The following TRIP11 variants were observed in gnomAD, a reference collection of about 807,000 sequenced individuals.
TRIP11 encodes thyroid receptor-interacting protein 11.
A neutral mutation model predicts 223.1 loss-of-function variants in TRIP11; 148 were observed. The observed-to-expected ratio is 0.66, with a 90% CI of 0.58 to 0.76. TRIP11 has a LOEUF of 0.76. Ranked by LOEUF, TRIP11 falls within the 30% of genes least tolerant of loss-of-function variation. The probability of loss-of-function intolerance (pLI) is 0.00; values close to 1 mark genes in which losing one functional copy is unlikely to be tolerated. For missense variants in TRIP11, 2,043 were observed against 2,222.0 expected, an observed-to-expected ratio of 0.92 and a Z score of 1.62; for synonymous variants, 762 against 772.6, an observed-to-expected ratio of 0.99 and a Z score of 0.23.
chr14:92,030,675 G>C (rs1360877679), intron 2 of TRIP11: 2 of 152,152 alleles, frequency 1.3e-5, no homozygotes, highest in East Asian at 3.9e-4. Context: ...CACCATGCCT[G>C]GCCATGTGAC....
At chr14:92,026,973 T>TTTA in intron 2 of TRIP11, 1 of 980,696 alleles carries the variant, frequency 1.0e-6, no homozygotes, top group African/African-American at 1.6e-5. Context: ...CTAAACGTGG[T>TTTA]CACCTTCAAG....
chr14:91,984,278 G>A (rs138930929), intron 16 of TRIP11, among the ~76,000 whole-genome samples: 11 of 149,304 alleles, frequency 7.4e-5, no homozygotes, highest in Non-Finnish European at 8.9e-5. Flanking sequence ...AATATCTTGT[G>A]CTTTTTATTT....
rs2057358913 is a variant in TRIP11, at chr14:92,039,418, G to A, written c.139+129C>T. On this transcript the variant is annotated intron_variant, in intron 1 of 20. Coordinates refer to ENST00000267622, the MANE Select transcript of TRIP11 (RefSeq NM_004239.4). ...GTTGAGAAGAGGCAAGAGGAGGTGT[G>A]TGAAGAAAAAAGGGAGGAGCAGCAT... The A allele has an allele frequency of 4.2e-6, 4 of 963,170 alleles. No homozygotes were observed. In the East Asian group the frequency reaches 7.8e-5, roughly 19 times the overall value. The allele number at this position is 963,170 out of a possible 1,614,324, so 59.7% of individuals were successfully genotyped here.
At chr14:92,023,666 C>T (rs1247059422) in intron 3 of TRIP11, among the ~76,000 whole-genome samples, 1 of 152,136 alleles carries the variant, frequency 6.6e-6, no homozygotes, top group East Asian at 1.9e-4. Context: ...GTCATAATGA[C>T]ACAGCTGTAA....
intron 11 of TRIP11, among the ~76,000 whole-genome samples, 160 bp downstream of exon 11, chr14:92,003,259 T>C (rs2056850861): frequency 6.6e-6 from 1 of 152,126 alleles, no homozygotes; most frequent in Non-Finnish European, 1.5e-5. Flanking sequence ...CTTCCAGATG[T>C]CTCTGAGGAA....
At chr14:92,025,086 T>C (rs1209359153) in intron 3 of TRIP11, among the ~76,000 whole-genome samples, 2 of 152,224 alleles carry the variant, frequency 1.3e-5, no homozygotes, top group African/African-American at 2.4e-5. Context: ...AAAAAAATTA[T>C]ACTTCACACA....
Position 91,969,826 on chromosome 14 carries a change from A to C in TRIP11, c.5787T>G (p.Ala1929=). The part of the protein sequence containing the change: ...VNPFLAPRSA[A]VPLINPAGLG... Reference sequence around the variant, plus strand: ...GTCCAGCTGGGTTAATAAGAGGTACAGCTGCCGAGCGAGGAGCCAAAAACG... The same window carrying C: ...GTCCAGCTGGGTTAATAAGAGGTACCGCTGCCGAGCGAGGAGCCAAAAACG... The change falls in exon 21 of 21, where the codon GCT becomes GCG. Residue 1929 remains alanine, a synonymous_variant. Coordinates refer to ENST00000267622, the MANE Select transcript of TRIP11 (RefSeq NM_004239.4). The C allele has an allele frequency of 6.2e-7, 1 of 1,614,220 alleles. No homozygotes were observed. Among genetic ancestry groups the C allele is most frequent in the Non-Finnish European group, 8.5e-7 (1 of 1,180,036 alleles).
intron 2 of TRIP11, among the ~76,000 whole-genome samples, chr14:92,030,212 A>C (rs1418589500): frequency 6.6e-6 from 1 of 150,918 alleles, no homozygotes; most frequent in African/African-American, 2.4e-5. Flanking sequence ...TCAAAAAAAA[A>C]AAAAAAAAAA....
chr14:91,981,010 A>ATT (rs1444189118), intron 16 of TRIP11, among the ~76,000 whole-genome samples: 671 of 55,762 alleles, frequency 0.012, 38 homozygotes, highest in African/African-American at 0.04. Flanking sequence ...ATATATATAT[A>ATT]TATTTTTTTT....
chr14:92,010,942 T>C, intron 9 of TRIP11, 44 bp downstream of exon 9: 2 of 1,576,178 alleles, frequency 1.3e-6, no homozygotes, highest in Non-Finnish European at 1.7e-6. Flanking sequence ...TGTGACCTGT[T>C]ACACATACCA....
At position 92,039,766 on chromosome 14, in the gene TRIP11, C is replaced by T. The variant is rs2057364671; in HGVS notation, c.-81G>A. ...CCGCCGGGCGATCCGACCAAATATC[C>T]TTGAACGCCTGCCTTCGCGAGACAG... On this transcript the variant is annotated 5_prime_UTR_variant, in exon 1 of 21. Transcript: ENST00000267622. 1 of 1,555,268 alleles carries T rather than the reference C, an allele frequency of 6.4e-7. No homozygotes were observed. The highest frequency in any genetic ancestry group is 1.2e-5 in the South Asian group (1 of 84,402).
intron 7 of TRIP11, among the ~76,000 whole-genome samples, chr14:92,013,204 T>C (rs1174588717): frequency 6.6e-6 from 1 of 151,952 alleles, no homozygotes; most frequent in African/African-American, 2.4e-5. Context: ...GAGGTGGAGG[T>C]TGCAGTGAAC....
chr14:91,980,953 T>C (rs2056530203), intron 16 of TRIP11, among the ~76,000 whole-genome samples: 1 of 146,514 alleles, frequency 6.8e-6, no homozygotes, highest in Non-Finnish European at 1.5e-5. Context: ...TTTCAAGTTA[T>C]ACAAGATCAC....
chr14:91,985,427 T>C (rs1595372359), intron 16 of TRIP11, among the ~76,000 whole-genome samples: 7 of 152,298 alleles, frequency 4.6e-5, no homozygotes, highest in African/African-American at 1.7e-4. Flanking sequence ...TCTTAAGAAA[T>C]GACTGAAATT....
chr14:92,009,017 T>C (rs576036362), intron 9 of TRIP11, among the ~76,000 whole-genome samples: 123 of 152,324 alleles, frequency 8.1e-4, no homozygotes, highest in African/African-American at 2.9e-3. Flanking sequence ...TACTAGAGTA[T>C]CTGTATCACA....
At chr14:92,026,662 G>A (rs980578704) in intron 2 of TRIP11, 27 of 1,095,288 alleles carry the variant, frequency 2.5e-5, no homozygotes, top group Non-Finnish European at 2.7e-5. Context: ...TGGAAGAGAC[G>A]CCCCTGCTGA....
chr14:91,993,348 C>T (rs1233751250), intron 15 of TRIP11, among the ~76,000 whole-genome samples: 4 of 151,466 alleles, frequency 2.6e-5, no homozygotes, highest in African/African-American at 4.9e-5. Flanking sequence ...TGATGGTGCA[C>T]GCCTGTAATC....
intron 7 of TRIP11, 123 bp downstream of exon 7, chr14:92,014,090 GAC>G (rs1166435911): frequency 3.3e-5 from 44 of 1,342,996 alleles, no homozygotes; most frequent in Non-Finnish European, 4.2e-5. Flanking sequence ...CTACCCAAAT[GAC>G]ACACAGTCAT....
At position 91,975,290 on chromosome 14, in the gene TRIP11, T is replaced by C. The variant is rs374958307; in HGVS notation, c.5343-4A>G. On this transcript the variant is annotated splice_region_variant and splice_polypyrimidine_tract_variant and intron_variant, in intron 17 of 20. Transcript: ENST00000267622. ...GAAGAGGTTTCTCATTAGGACTCTA[T>C]GAAAATAAAGGCAGAAACAGCTCAA... The C allele has an allele frequency of 8.1e-6, 13 of 1,610,960 alleles. No individual in the cohort carries two copies. The highest frequency in any genetic ancestry group is 2.2e-5 in the East Asian group (1 of 44,808).
Sources: gnomAD v4.1 joint callset for allele counts (sites outside exome capture counted in the v4.1 genomes callset) on GRCh38, gnomAD v4.1.1 for gene constraint, MANE v1.5 for transcripts, NCBI Gene and HGNC (gene_info 2026-07-23, HGNC 2026-07-21) for gene names.